Variants in CNNM2 observed in about 807,000 individuals in gnomAD.
CNNM2 encodes the protein metal transporter CNNM2.
Under a neutral mutation model 66.9 loss-of-function variants are expected in CNNM2, and 12 were observed. That is an observed-to-expected ratio of 0.18 (90% CI 0.11 to 0.29). The LOEUF (loss-of-function observed/expected upper bound fraction) is 0.29, where lower values mean the gene tolerates loss of function less well. CNNM2 is among the 10% of genes least tolerant of loss of function. The pLI is 1.00. For synonymous variants in CNNM2, 557 were observed against 501.8 expected, an observed-to-expected ratio of 1.11 and a Z score of -1.47; for missense variants, 705 against 1,167.7, an observed-to-expected ratio of 0.60 and a Z score of 5.77.
chr10:102,935,705 C>T (rs1445994307), intron 1 of CNNM2, among the ~76,000 whole-genome samples: 2 of 146,974 alleles, frequency 1.4e-5, no homozygotes, highest in East Asian at 2.0e-4. Context: ...TGACTAGCAG[C>T]GCTCAAGTGA....
At chr10:102,949,581 C>T (rs890852144) in intron 1 of CNNM2, among the ~76,000 whole-genome samples, 6 of 151,784 alleles carry the variant, frequency 4.0e-5, no homozygotes, top group Admixed American at 6.6e-5. Flanking sequence ...GTCAGAAGTT[C>T]GAGACCAGCC....
At chr10:103,062,900 G>A (rs925450242) in intron 4 of CNNM2, among the ~76,000 whole-genome samples, 1 of 152,240 alleles carries the variant, frequency 6.6e-6, no homozygotes. Flanking sequence ...GGATTCACCT[G>A]TGGGTCTTGT....
At chr10:102,931,419 C>T (rs1383148980) in intron 1 of CNNM2, among the ~76,000 whole-genome samples, 2 of 146,250 alleles carry the variant, frequency 1.4e-5, no homozygotes, top group Non-Finnish European at 3.0e-5. Flanking sequence ...TGCAATGGTG[C>T]GATCTCACCT....
chr10:102,965,440 G>A (rs959463532), intron 1 of CNNM2, among the ~76,000 whole-genome samples: 3 of 152,144 alleles, frequency 2.0e-5, no homozygotes, highest in South Asian at 2.1e-4. Flanking sequence ...GTTTTTCCCC[G>A]GCTGTCGTTG....
intron 1 of CNNM2, among the ~76,000 whole-genome samples, chr10:102,989,723 A>G (rs2063863057): frequency 1.3e-5 from 2 of 151,692 alleles, no homozygotes; most frequent in African/African-American, 4.8e-5. Context: ...GAATTGTTTG[A>G]CCCAGGAGAC....
chr10:102,999,925 G>T (rs2064084432), intron 1 of CNNM2, among the ~76,000 whole-genome samples: 1 of 152,170 alleles, frequency 6.6e-6, no homozygotes, highest in Admixed American at 6.6e-5. Flanking sequence ...GAACCCTTGT[G>T]CACTGTTAGT....
chr10:102,968,127 T>C (rs1310568538), intron 1 of CNNM2, among the ~76,000 whole-genome samples: 1 of 152,182 alleles, frequency 6.6e-6, no homozygotes, highest in Non-Finnish European at 1.5e-5. Context: ...ATATATATAT[T>C]TTACTTTTCA....
At chr10:102,926,729 T>C (rs1845875849) in intron 1 of CNNM2, among the ~76,000 whole-genome samples, 1 of 145,382 alleles carries the variant, frequency 6.9e-6, no homozygotes, top group African/African-American at 2.5e-5. Context: ...TTTTTTTTTT[T>C]TTTTGAGATG....
In CNNM2 at chr10:103,055,326, T is replaced by C. The variant is rs546816149; in HGVS notation, c.1903+860T>C. ...ACTTAAACCATGTTTAAAAGAAGGC[T>C]AGCCGCAACCACATGGTGGAATGCT... On this transcript the variant is annotated intron_variant, in intron 3 of 7. Coordinates refer to ENST00000369878, the MANE Select transcript of CNNM2 (RefSeq NM_017649.5). 4.6e-5 allele frequency among the ~76,000 whole-genome samples: 7 copies of C among 152,360 alleles called. No individual in the cohort carries two copies. The East Asian group carries it at 1.3e-3, about 29-fold the overall frequency.
Position 103,089,914 on chromosome 10 carries a change from C to G in CNNM2, c.*12734C>G, listed in dbSNP as rs1463280824. 1.1e-5 allele frequency: 17 copies of G among 1,575,074 alleles called. No homozygotes were observed. The highest frequency in any genetic ancestry group is 1.2e-5 in the Non-Finnish European group (14 of 1,159,890). On this transcript the variant is annotated 3_prime_UTR_variant, in exon 8 of 8. Coordinates refer to ENST00000369878, the MANE Select transcript of CNNM2 (RefSeq NM_017649.5). ...ACCGTTGATTCATGAGGCATCTAGACAGAAAAAAGCTAGAGGCTCAGAAAG... is the reference window on the plus strand; with the variant it reads ...ACCGTTGATTCATGAGGCATCTAGAGAGAAAAAAGCTAGAGGCTCAGAAAG...
Position 103,084,536 on chromosome 10 carries a change from G to A in CNNM2, c.*7356G>A, listed in dbSNP as rs1260518577. 1 of 152,118 alleles carries A rather than the reference G, an allele frequency of 6.6e-6. No individual in the cohort carries two copies. Among genetic ancestry groups the A allele is most frequent in the Non-Finnish European group, 1.5e-5 (1 of 68,010 alleles). The allele number at this position is 152,118 out of a possible 1,614,324, so 9.4% of individuals were successfully genotyped here. On this transcript the variant is annotated 3_prime_UTR_variant, in exon 8 of 8. Transcript: ENST00000369878. ...ACATTCACTCCCAGCCTCCTGCCTTGGTTTGTTTTTCCTGTTTTACTCACT... is the reference window on the plus strand; with the variant it reads ...ACATTCACTCCCAGCCTCCTGCCTTAGTTTGTTTTTCCTGTTTTACTCACT...
intron 1 of CNNM2, among the ~76,000 whole-genome samples, chr10:103,008,847 A>G (rs916173377): frequency 1.3e-5 from 2 of 151,936 alleles, no homozygotes; most frequent in South Asian, 2.1e-4. Context: ...TGAAATGCAC[A>G]TTCCCAAGCA....
chr10:103,006,680 G>A (rs1203566392), intron 1 of CNNM2, among the ~76,000 whole-genome samples: 1 of 152,188 alleles, frequency 6.6e-6, no homozygotes, highest in Non-Finnish European at 1.5e-5. Context: ...AGGCTGGAGT[G>A]CAATGGTGCG....
intron 1 of CNNM2, among the ~76,000 whole-genome samples, chr10:103,048,416 A>G (rs900931815): frequency 2.2e-4 from 34 of 151,838 alleles, no homozygotes; most frequent in African/African-American, 7.7e-4. Context: ...GGGTTTTGCC[A>G]TGTTGGCCAG....
chr10:102,989,780 C>T (rs1197507899), intron 1 of CNNM2, among the ~76,000 whole-genome samples: 3 of 151,750 alleles, frequency 2.0e-5, no homozygotes, highest in East Asian at 1.9e-4. Context: ...CCAGCCTGGG[C>T]GACAGAGTGA....
At chr10:103,076,612 A>G (rs2065696014) in intron 7 of CNNM2, among the ~76,000 whole-genome samples, 2 of 152,152 alleles carry the variant, frequency 1.3e-5, no homozygotes, top group South Asian at 4.1e-4. Flanking sequence ...TGAGGTCAGG[A>G]GACTTGGAGG....
intron 1 of CNNM2, among the ~76,000 whole-genome samples, chr10:103,048,748 A>G (rs897104488): frequency 6.6e-6 from 1 of 152,202 alleles, no homozygotes; most frequent in Non-Finnish European, 1.5e-5. Context: ...CGGCTGCCAT[A>G]CTTCAGAATT....
At chr10:103,038,065 C>A (rs1054851734) in intron 1 of CNNM2, among the ~76,000 whole-genome samples, 2 of 152,112 alleles carry the variant, frequency 1.3e-5, no homozygotes, top group African/African-American at 4.8e-5. Context: ...GTCTCGAACT[C>A]CTGACTTCAA....
intron 1 of CNNM2, among the ~76,000 whole-genome samples, chr10:103,046,614 C>T (rs951640616): frequency 2.6e-5 from 4 of 152,080 alleles, no homozygotes; most frequent in African/African-American, 9.7e-5. Flanking sequence ...GACAATAATC[C>T]ATTGCTTGCT....
Sources: gnomAD v4.1 joint callset for allele counts (sites outside exome capture counted in the v4.1 genomes callset) on GRCh38, gnomAD v4.1.1 for gene constraint, MANE v1.5 for transcripts, NCBI Gene and HGNC (gene_info 2026-07-23, HGNC 2026-07-21) for gene names.